EYS: variants seen among roughly 807,000 people sequenced by gnomAD.
EYS encodes the protein protein eyes shut homolog.
A neutral mutation model predicts 282.1 loss-of-function variants in EYS; 250 were observed. The observed-to-expected ratio is 0.89, with a 90% CI of 0.80 to 0.98. EYS has a LOEUF of 0.98. Among genes scored for constraint, EYS ranks in the 50% least tolerant of loss-of-function variants. The probability of loss-of-function intolerance (pLI) is 0.00; values close to 1 mark genes in which losing one functional copy is unlikely to be tolerated. For synonymous variants in EYS, 1,355 were observed against 1,282.9 expected, an observed-to-expected ratio of 1.06 and a Z score of -1.20; for missense variants, 4,016 against 3,709.0, an observed-to-expected ratio of 1.08 and a Z score of -2.15.
chr6:64,590,739 T>C lies in EYS; in HGVS notation c.5128A>G (p.Thr1710Ala), dbSNP rs947358402. ...TTTAGTACCTCAGTGGGTCCCATAG[T>C]TATGCCATATTGTCTTATTTTCAAT... ...KLLKIRQYGI[T>A]MGPTEVLNQE... Residue 1710 changes from threonine (T) to alanine (A), a missense_variant, in exon 26 of 43, where the codon ACT becomes GCT. By Grantham distance (58) the Thr-to-Ala change is moderately conservative. Coordinates refer to ENST00000503581, the MANE Select transcript of EYS (RefSeq NM_001142800.2). The C allele has an allele frequency of 1.3e-5, 20 of 1,551,104 alleles. No homozygotes were observed. The highest frequency in any genetic ancestry group is 2.0e-5 in the Admixed American group (1 of 50,972).
At chr6:65,440,985 T>C (rs562156257) in intron 5 of EYS, among the ~76,000 whole-genome samples, 2 of 142,338 alleles carry the variant, frequency 1.4e-5, no homozygotes, top group Non-Finnish European at 3.1e-5. Flanking sequence ...TATATATATA[T>C]CTATATATAT....
At chr6:64,140,310 G>C (rs1378186439) in intron 31 of EYS, among the ~76,000 whole-genome samples, 1 of 152,098 alleles carries the variant, frequency 6.6e-6, no homozygotes, top group Non-Finnish European at 1.5e-5. Flanking sequence ...TTAGCTTTGA[G>C]GCTTTTGATG....
At chr6:64,778,333 A>T (rs1402696831) in intron 22 of EYS, among the ~76,000 whole-genome samples, 1 of 152,224 alleles carries the variant, frequency 6.6e-6, no homozygotes, top group African/African-American at 2.4e-5. Flanking sequence ...CTTGTCCAGC[A>T]TCCAAAGAAA....
chr6:64,250,362 T>TG (rs1767168589), intron 30 of EYS, among the ~76,000 whole-genome samples: 1 of 152,132 alleles, frequency 6.6e-6, no homozygotes, highest in South Asian at 2.1e-4. Context: ...ATTTTTCACC[T>TG]GGGGGCAGCT....
At chr6:64,646,727 C>A (rs982203106) in intron 22 of EYS, among the ~76,000 whole-genome samples, 3 of 151,828 alleles carry the variant, frequency 2.0e-5, no homozygotes, top group African/African-American at 7.3e-5. Context: ...ATGGCGTGAA[C>A]CCGGGAGGTG....
intron 35 of EYS, among the ~76,000 whole-genome samples, chr6:63,930,127 T>A (rs1027912054): frequency 1.3e-5 from 2 of 152,164 alleles, no homozygotes; most frequent in African/African-American, 4.8e-5. Context: ...CTTTTACAAT[T>A]CTCACCATAA....
At chr6:65,396,463 C>A (rs781434651) in intron 7 of EYS, among the ~76,000 whole-genome samples, 5 of 152,080 alleles carry the variant, frequency 3.3e-5, no homozygotes, top group Admixed American at 6.6e-5. Flanking sequence ...CTCTCTGTTG[C>A]CTCCTTGTGT....
chr6:65,556,387 T>TGTGTGTGTGTGTGTGTG (rs1768799965), intron 2 of EYS, among the ~76,000 whole-genome samples: 1 of 148,820 alleles, frequency 6.7e-6, no homozygotes, highest in Admixed American at 6.7e-5. Flanking sequence ...ACTGCTGGGT[T>TGTGTGTGTGTGTGTGTG]TGTGTGTGTG....
At chr6:64,535,471 C>T (rs1439838371) in intron 26 of EYS, among the ~76,000 whole-genome samples, 3 of 151,988 alleles carry the variant, frequency 2.0e-5, no homozygotes. Flanking sequence ...GGCACAGTGG[C>T]TCACGCCTAT....
chr6:64,049,140 G>T (rs896763955), intron 33 of EYS, among the ~76,000 whole-genome samples: 41 of 152,118 alleles, frequency 2.7e-4, no homozygotes, highest in African/African-American at 9.7e-4. Context: ...CATAAACAGT[G>T]ATCAGTTGTT....
chr6:65,292,970 C>T (rs1035789815), intron 12 of EYS, among the ~76,000 whole-genome samples: 1 of 151,522 alleles, frequency 6.6e-6, no homozygotes, highest in African/African-American at 2.4e-5. Flanking sequence ...GGATAGCAGC[C>T]TCATGGAAAT....
At position 64,945,796 on chromosome 6, in the gene EYS, TAG is replaced by T. The variant is rs1562270309; in HGVS notation, c.2376_2377del (p.Ser792ArgfsTer4). Reference sequence around the variant, plus strand: ...AAGCTAAAAATATGTTACTCACCGATAGCTTTTGTAAAGGTCAGTACAGGTGG... The same window carrying T: ...AAGCTAAAAATATGTTACTCACCGATCTTTTGTAAAGGTCAGTACAGGTGG... On this transcript the variant is annotated frameshift_variant, in exon 15 of 43. Transcript: ENST00000503581. LOFTEE classifies it high-confidence loss of function. 1 of 1,549,258 alleles carries T rather than the reference TAG, an allele frequency of 6.5e-7. No homozygotes were observed. The highest frequency in any genetic ancestry group is 2.5e-5 in the East Asian group (1 of 40,758).
chr6:65,488,167 A>G (rs1765883759), intron 5 of EYS, among the ~76,000 whole-genome samples: 1 of 151,442 alleles, frequency 6.6e-6, no homozygotes, highest in African/African-American at 2.4e-5. Context: ...TTATGTCTCT[A>G]TCTCCTTCAG....
chr6:64,047,871 C>A lies in EYS; in HGVS notation c.6725+18467G>T, dbSNP rs550290194. 2.6e-5 allele frequency among the ~76,000 whole-genome samples: 4 copies of A among 152,226 alleles called. No individual in the cohort carries two copies. The East Asian group carries it at 7.7e-4, about 29-fold the overall frequency. On this transcript the variant is annotated intron_variant, in intron 33 of 42. Coordinates refer to ENST00000503581, the MANE Select transcript of EYS (RefSeq NM_001142800.2). ...GGGCTGCAGCAGAGGCTGGTCTCCT[C>A]AGATGTACTCTCCCTTGATTTTGAA...
At chr6:65,538,735 T>G (rs1028918669) in intron 2 of EYS, among the ~76,000 whole-genome samples, 1 of 152,152 alleles carries the variant, frequency 6.6e-6, no homozygotes, top group Admixed American at 6.6e-5. Context: ...CTTTTTTGTT[T>G]GAAACCCTTC....
chr6:64,765,364 G>C (rs144854847), intron 22 of EYS, among the ~76,000 whole-genome samples: 1 of 152,294 alleles, frequency 6.6e-6, no homozygotes, highest in Non-Finnish European at 1.5e-5. Flanking sequence ...CATGCCACAA[G>C]ACTCTAGGAA....
At chr6:63,947,417 A>C (rs1423972743) in intron 35 of EYS, among the ~76,000 whole-genome samples, 3 of 152,036 alleles carry the variant, frequency 2.0e-5, no homozygotes, top group Non-Finnish European at 4.4e-5. Context: ...AAATTATTTT[A>C]TATTATTACT....
At chr6:64,320,705 G>A (rs1770184433) in intron 29 of EYS, among the ~76,000 whole-genome samples, 1 of 131,432 alleles carries the variant, frequency 7.6e-6, no homozygotes, top group Admixed American at 7.7e-5. Context: ...TTATCCTATT[G>A]GCCACAGTTT....
intron 29 of EYS, among the ~76,000 whole-genome samples, chr6:64,365,771 A>G (rs1772162021): frequency 6.6e-6 from 1 of 152,050 alleles, no homozygotes; most frequent in Non-Finnish European, 1.5e-5. Flanking sequence ...GAACAATTAT[A>G]ACAATATACT....
Sources: gnomAD v4.1 joint callset for allele counts (sites outside exome capture counted in the v4.1 genomes callset) on GRCh38, gnomAD v4.1.1 for gene constraint, MANE v1.5 for transcripts, NCBI Gene and HGNC (gene_info 2026-07-23, HGNC 2026-07-21) for gene names.